The following CACNA1G variants were observed in gnomAD, a reference collection of about 807,000 sequenced individuals.
CACNA1G encodes voltage-dependent T-type calcium channel subunit alpha-1G.
In CACNA1G, 67 loss-of-function variants were observed where a neutral mutation model predicts 219.4. That is an observed-to-expected ratio of 0.31 (90% CI 0.25 to 0.37). The LOEUF is 0.37. Among genes scored for constraint, CACNA1G ranks in the 10% least tolerant of loss-of-function variants. The pLI is 1.00. For missense variants in CACNA1G, 2,380 were observed against 3,231.4 expected (o/e 0.74, Z 6.39); for synonymous variants, 1,296 against 1,345.3 (o/e 0.96, Z 0.80).
In CACNA1G at chr17:50,599,752, G is replaced by C. The variant is rs1242271313; in HGVS notation, c.3583G>C (p.Glu1195Gln). The C allele has an allele frequency of 6.2e-7, 1 of 1,613,640 alleles. No individual in the cohort carries two copies. Among genetic ancestry groups the C allele is most frequent in the Admixed American group, 1.7e-5 (1 of 60,010 alleles). The change falls in exon 17 of 38, where the codon GAG becomes CAG. Residue 1195 changes from glutamate to glutamine, a missense_variant. Transcript: ENST00000359106. ...RTASGRGSAS[E>Q]HQDCNGKSAS... Reference sequence around the variant, plus strand: ...TGCCAGTGGCCGAGGGTCTGCTTCTGAGCACCAGGACTGCAATGGCAAGTC... The same window carrying C: ...TGCCAGTGGCCGAGGGTCTGCTTCTCAGCACCAGGACTGCAATGGCAAGTC...
chr17:50,597,046 G>A, intron 16 of CACNA1G, 123 bp downstream of exon 16: 1 of 945,326 alleles, frequency 1.1e-6, no homozygotes, highest in Non-Finnish European at 1.5e-6. Context: ...ATGGGGCCTG[G>A]GTGTGCCTGG....
At chr17:50,613,933 CAG>C (rs2049854693) in intron 26 of CACNA1G, among the ~76,000 whole-genome samples, 1 of 151,978 alleles carries the variant, frequency 6.6e-6, no homozygotes, top group Non-Finnish European at 1.5e-5. Context: ...CTCGAACAAA[CAG>C]AGCCACAGTT....
Position 50,606,789 on chromosome 17 carries a change from C to G in CACNA1G, c.4423-111C>G, listed in dbSNP as rs1033005760. 5 of 756,504 alleles carry G rather than the reference C, an allele frequency of 6.6e-6. No homozygotes were observed. The African/African-American group carries it at 8.6e-5, about 13-fold the overall frequency. 46.9% of individuals were successfully genotyped at this position (756,504 alleles called of 1,614,324 possible). On this transcript the variant is annotated intron_variant, in intron 23 of 37. Transcript: ENST00000359106. ...GGAGTGTGACTCCAGCTTGACCCCT[C>G]AAGGGCTGGGGTACTTGGAGCTGAT...
At chr17:50,565,759 A>G (rs1469107776) in intron 1 of CACNA1G, among the ~76,000 whole-genome samples, 1 of 151,996 alleles carries the variant, frequency 6.6e-6, no homozygotes, top group African/African-American at 2.4e-5. Flanking sequence ...CAAGGGCTCT[A>G]TCTAGATAAA....
At position 50,576,229 on chromosome 17, in the gene CACNA1G, G is replaced by C. The variant is rs756133431; in HGVS notation, c.1827G>C (p.Glu609Asp). ...CGCTGAAGGAGAAGGCACTAGTAGA[G>C]GTGGCTGCCAGCTCTGGGCCCCCAA... ...PETLKEKALV[E>D]VAASSGPPTL... is the part of the protein sequence containing the mutation. The change falls in exon 8 of 38, where the codon GAG becomes GAC. Residue 609 changes from glutamate to aspartate, a missense_variant. Transcript: ENST00000359106. 2 of 1,605,134 alleles carry C rather than the reference G, an allele frequency of 1.2e-6. No homozygotes were observed. Among genetic ancestry groups the C allele is most frequent in the East Asian group, 4.5e-5 (2 of 44,428 alleles).
Position 50,599,676 on chromosome 17 carries a change from G to T in CACNA1G, c.3507G>T (p.Lys1169Asn). The change falls in exon 17 of 38, where the codon AAG becomes AAT. Residue 1169 changes from lysine to asparagine, a missense_variant. Around this residue, in one of 17 missense-constraint regions of CACNA1G, gnomAD observed 418 missense variants for 434.3 expected, o/e 0.96. Coordinates refer to ENST00000359106, the MANE Select transcript of CACNA1G (RefSeq NM_018896.5). ...RHRGSLEREA[K>N]SSFDLPDTLQ... is the part of the protein sequence containing the mutation. The stretch of plus-strand genomic sequence containing the variant: ...GGGGGTCCCTGGAGCGGGAGGCCAA[G>T]AGTTCCTTTGACCTGCCAGACACAC... The T allele has an allele frequency of 6.2e-7, 1 of 1,613,266 alleles. No homozygotes were observed. Among genetic ancestry groups the T allele is most frequent in the Non-Finnish European group, 8.5e-7 (1 of 1,179,598 alleles).
chr17:50,586,436 G>A (rs1274603543), intron 9 of CACNA1G, among the ~76,000 whole-genome samples: 1 of 152,158 alleles, frequency 6.6e-6, no homozygotes, highest in Non-Finnish European at 1.5e-5. Flanking sequence ...CCCAGCTGGG[G>A]ACACCCTCCA....
intron 35 of CACNA1G, 92 bp from the exon 36 acceptor site, chr17:50,623,815 G>A (rs2052894742): frequency 7.4e-7 from 1 of 1,348,606 alleles, no homozygotes; most frequent in South Asian, 1.4e-5. Flanking sequence ...GCTGGGCGGG[G>A]GGCGCTGCTG....
At chr17:50,610,636 C>T (rs1244865615) in intron 26 of CACNA1G, among the ~76,000 whole-genome samples, 3 of 152,082 alleles carry the variant, frequency 2.0e-5, no homozygotes, top group Non-Finnish European at 4.4e-5. Context: ...TCATGGAGTC[C>T]GTGGCAGGGC....
Position 50,578,501 on chromosome 17 carries a change from C to T in CACNA1G, c.2238C>T (p.Gly746=). 1.3e-6 allele frequency: 2 copies of T among 1,585,860 alleles called. No individual in the cohort carries two copies. The highest frequency in any genetic ancestry group is 1.7e-6 in the Non-Finnish European group (2 of 1,164,050). Residue 746 remains glycine (G), a synonymous_variant, in exon 9 of 38, where the codon GGC becomes GGT. Coordinates refer to ENST00000359106, the MANE Select transcript of CACNA1G (RefSeq NM_018896.5). This position sits in a 1 kb window ranked among gnomAD's most constrained non-coding sequence, Gnocchi z 4.5. ...FRKIVDSKYF[G]RGIMIAILVN... Reference sequence around the variant, plus strand: ...AGATTGTGGACAGCAAGTACTTTGGCCGGGGAATCATGATCGCCATCCTGG... The same window carrying T: ...AGATTGTGGACAGCAAGTACTTTGGTCGGGGAATCATGATCGCCATCCTGG...
In CACNA1G at chr17:50,599,442, C is replaced by T. The variant is rs1479187799; in HGVS notation, c.3273C>T (p.Ser1091=). 6.4e-7 allele frequency: 1 copy of T among 1,553,282 alleles called. No individual in the cohort carries two copies. ...CTCACCCACAGCCCAGCGCCCGCAG[C>T]TCTCCGCACAGCCCCTGGAGCGCTG... ...HEMKSPPSAR[S]SPHSPWSAAS... is the part of the protein sequence containing the mutation. Residue 1091 remains serine (S), a synonymous_variant, in exon 17 of 38, where the codon AGC becomes AGT. Coordinates refer to ENST00000359106, the MANE Select transcript of CACNA1G (RefSeq NM_018896.5).
chr17:50,591,371 C>G, intron 10 of CACNA1G, 64 bp from the exon 11 acceptor site: 2 of 1,438,820 alleles, frequency 1.4e-6, no homozygotes, highest in Non-Finnish European at 1.8e-6. Context: ...ACTGAGTCCT[C>G]TCCGAGGGAG....
rs780675861 is a variant in CACNA1G, at chr17:50,578,951, A to G, written c.2301+387A>G. Among the ~76,000 whole-genome samples the G allele has an allele frequency of 2.6e-5, 4 of 152,120 alleles. No homozygotes were observed. Among genetic ancestry groups the G allele is most frequent in the Admixed American group, 6.5e-5 (1 of 15,284 alleles). On this transcript the variant is annotated intron_variant, in intron 9 of 37. Coordinates refer to ENST00000359106, the MANE Select transcript of CACNA1G (RefSeq NM_018896.5). The surrounding 1 kb of genome is among the most constrained non-coding windows in gnomAD (Gnocchi z 4.5). ...GGGTGTTGGAGGTCCTGTGGCATCC[A>G]TCTGACCCACTAAGTCCGGGTGTGA...
rs1235214794 is a variant in CACNA1G, at chr17:50,575,859, A to G, written c.1457A>G (p.His486Arg). The change falls in exon 8 of 38, where the codon CAC (histidine) becomes CGC (arginine). Residue 486 changes from histidine to arginine, a missense_variant. Transcript: ENST00000359106. ...TQPSSSCSRS[H>R]RRLSVHHLVH... Reference sequence around the variant, plus strand: ...CCCAGCAGCAGCTGCTCTCGCTCCCACCGCCGCCTATCCGTCCACCACCTG... The same window carrying G: ...CCCAGCAGCAGCTGCTCTCGCTCCCGCCGCCGCCTATCCGTCCACCACCTG... 2 of 1,549,282 alleles carry G rather than the reference A, an allele frequency of 1.3e-6. No homozygotes were observed. The highest frequency in any genetic ancestry group is 1.7e-6 in the Non-Finnish European group (2 of 1,147,572).
rs192369842 is a variant in CACNA1G at position 50,568,190 on chromosome 17, G to A, written c.243-680G>A. Among the ~76,000 whole-genome samples, 123 of 152,240 alleles carry A rather than the reference G, an allele frequency of 8.1e-4. 3 individuals are homozygous for A. The East Asian group carries it at 0.02, about 25-fold the overall frequency. ...TCTGCCTTACACCTAGTGCCAGGGCGGTCATGACAGGCAGTTCTGCCTGCC... is the reference window on the plus strand; with the variant it reads ...TCTGCCTTACACCTAGTGCCAGGGCAGTCATGACAGGCAGTTCTGCCTGCC... On this transcript the variant is annotated intron_variant, in intron 1 of 37. Coordinates refer to ENST00000359106, the MANE Select transcript of CACNA1G (RefSeq NM_018896.5).
intron 9 of CACNA1G, among the ~76,000 whole-genome samples, chr17:50,584,228 G>T (rs2042563290): frequency 6.6e-6 from 1 of 152,114 alleles, no homozygotes; most frequent in South Asian, 2.1e-4. Context: ...AGATTGTTTA[G>T]TGTCGTCTAC....
intron 8 of CACNA1G, among the ~76,000 whole-genome samples, chr17:50,577,346 T>C (rs1405118499): frequency 1.3e-5 from 2 of 151,822 alleles, no homozygotes; most frequent in Admixed American, 6.6e-5. Context: ...ACATCCATGC[T>C]TTACCTGGTA....
intron 8 of CACNA1G, among the ~76,000 whole-genome samples, chr17:50,577,251 T>C (rs1376602357): frequency 6.6e-6 from 1 of 152,088 alleles, no homozygotes; most frequent in East Asian, 1.9e-4. Flanking sequence ...GGGTGCTTAC[T>C]GACTCCCTCC....
chr17:50,582,209 GAA>G (rs1470902216), intron 9 of CACNA1G, among the ~76,000 whole-genome samples: 1 of 152,224 alleles, frequency 6.6e-6, no homozygotes, highest in Non-Finnish European at 1.5e-5. Context: ...ACCAGAGAAG[GAA>G]TTCAGGGAGG....
Sources: gnomAD v4.1 joint callset for allele counts (sites outside exome capture counted in the v4.1 genomes callset) on GRCh38, gnomAD v4.1.1 for gene constraint, gnomAD v4.1.1 regional missense constraint, Gnocchi (gnomAD v3.1) non-coding constraint, MANE v1.5 for transcripts, NCBI Gene and HGNC (gene_info 2026-07-23, HGNC 2026-07-21) for gene names.